PIP5K1B: variants seen among roughly 807,000 people sequenced by gnomAD.
PIP5K1B encodes phosphatidylinositol-4-phosphate 5-kinase type 1 beta.
PIP5K1B carries 42 observed loss-of-function variants against 67.0 expected under a neutral mutation model. The ratio of observed to expected loss-of-function variants is 0.63; its 90% CI spans 0.49 to 0.81. The LOEUF (loss-of-function observed/expected upper bound fraction) is 0.81, where lower values mean the gene tolerates loss of function less well. PIP5K1B is among the 30% of genes least tolerant of loss of function. PIP5K1B has a pLI of 0.00. For synonymous variants in PIP5K1B, 214 were observed against 231.4 expected (o/e 0.92, Z 0.68); for missense variants, 459 against 646.3 (o/e 0.71, Z 3.14).
intron 14 of PIP5K1B, among the ~76,000 whole-genome samples, chr9:68,953,687 C>T (rs781264431): frequency 6.6e-6 from 1 of 151,836 alleles, no homozygotes; most frequent in Non-Finnish European, 1.5e-5. Flanking sequence ...TGCAGTGACA[C>T]ACCTGTAGTC....
chr9:68,848,402 T>A (rs1822307050), intron 4 of PIP5K1B, among the ~76,000 whole-genome samples: 1 of 152,226 alleles, frequency 6.6e-6, no homozygotes, highest in African/African-American at 2.4e-5. Context: ...TTTCTCCATA[T>A]CTTTCTGCCT....
At chr9:68,740,796 G>A (rs746648652) in intron 1 of PIP5K1B, among the ~76,000 whole-genome samples, 2 of 152,212 alleles carry the variant, frequency 1.3e-5, no homozygotes, top group Non-Finnish European at 2.9e-5. Flanking sequence ...TCTAGGCAAC[G>A]TGATATAATG....
At chr9:68,914,512 G>C (rs377327964) in intron 8 of PIP5K1B, among the ~76,000 whole-genome samples, 10 of 152,232 alleles carry the variant, frequency 6.6e-5, no homozygotes, top group African/African-American at 2.4e-4. Context: ...TCGGGAGATT[G>C]AGACCTTCCT....
Position 68,875,295 on chromosome 9 carries a change from C to CAAAAAAAAAA in PIP5K1B, c.201-1360_201-1351dup, listed in dbSNP as rs147022066. ...GCCAGCTCCATCCTCTGGTACTCAG[C>CAAAAAAAAAA]AAAAAAAAAAAAAAAAAAAAAAAAA... On this transcript the variant is annotated intron_variant, in intron 5 of 15. Transcript: ENST00000265382. 2.7e-4 allele frequency among the ~76,000 whole-genome samples: 12 copies of CAAAAAAAAAA among 44,872 alleles called. 1 individual carries two copies. Among genetic ancestry groups the CAAAAAAAAAA allele is most frequent in the African/African-American group, 5.9e-4 (6 of 10,182 alleles). 29.4% of individuals were successfully genotyped at this position (44,872 alleles called of 152,430 possible).
chr9:68,891,758 T>C (rs545575624), intron 7 of PIP5K1B, among the ~76,000 whole-genome samples: 1 of 152,196 alleles, frequency 6.6e-6, no homozygotes, highest in Non-Finnish European at 1.5e-5. Context: ...AGAAGTGATA[T>C]GACTCCAGCA....
intron 14 of PIP5K1B, among the ~76,000 whole-genome samples, chr9:68,988,511 G>A (rs995469640): frequency 3.0e-4 from 43 of 141,408 alleles, no homozygotes; most frequent in Non-Finnish European, 5.3e-4. Context: ...GTGCAGTGGT[G>A]CAATCTTGAC....
At chr9:68,738,017 A>C (rs568370120) in intron 1 of PIP5K1B, among the ~76,000 whole-genome samples, 1 of 152,342 alleles carries the variant, frequency 6.6e-6, no homozygotes, top group Non-Finnish European at 1.5e-5. Flanking sequence ...AGCTGATTCT[A>C]TTCATATGCC....
At chr9:68,832,781 T>C (rs1834388110) in intron 4 of PIP5K1B, among the ~76,000 whole-genome samples, 2 of 152,234 alleles carry the variant, frequency 1.3e-5, no homozygotes, top group African/African-American at 4.8e-5. Flanking sequence ...GCAGAGTTGA[T>C]GAGCTACTCT....
At chr9:68,740,848 G>A (rs1428528783) in intron 1 of PIP5K1B, among the ~76,000 whole-genome samples, 1 of 152,188 alleles carries the variant, frequency 6.6e-6, no homozygotes, top group Admixed American at 6.5e-5. Context: ...CTGAGCTCAA[G>A]CCATGGTGTA....
In PIP5K1B at chr9:68,728,450, C is replaced by T. The variant is rs944718206; in HGVS notation, c.-242-14051C>T. ...TCATTATTCCCCATAGGCCCCACCT[C>T]GTAATACCATCATATTGGGGGTATG... On this transcript the variant is annotated intron_variant, in intron 1 of 15. Transcript: ENST00000265382. Among the ~76,000 whole-genome samples, 9 of 151,942 alleles carry T rather than the reference C, an allele frequency of 5.9e-5. No homozygotes were observed. In the South Asian group the frequency reaches 1.5e-3, roughly 25 times the overall value.
chr9:68,752,190 A>T (rs1184366458), intron 2 of PIP5K1B, among the ~76,000 whole-genome samples: 1 of 152,224 alleles, frequency 6.6e-6, no homozygotes. Context: ...CTATTATGGT[A>T]TCTTGCCCAT....
intron 4 of PIP5K1B, among the ~76,000 whole-genome samples, chr9:68,854,855 G>A (rs145580291): frequency 1.2e-4 from 19 of 152,146 alleles, no homozygotes; most frequent in African/African-American, 3.9e-4. Flanking sequence ...ATTTTCCTCC[G>A]TGGATATGTA....
intron 5 of PIP5K1B, 41 bp from the exon 6 acceptor site, chr9:68,876,636 G>T (rs776202046): frequency 9.1e-7 from 1 of 1,096,652 alleles, no homozygotes; most frequent in South Asian, 1.2e-5. Flanking sequence ...CCTTGCTAAT[G>T]TGTTCTTTCT....
At chr9:68,992,839 CAAAAAAAAAAAAAAAAAA>C (rs201517701) in intron 15 of PIP5K1B, among the ~76,000 whole-genome samples, 13,319 of 58,484 alleles carry the variant, frequency 0.23, 1,158 homozygotes, top group East Asian at 0.53. Flanking sequence ...GACCCTGTCT[CAAAAAAAAAAAAAAAAAA>C]AAAAAAAAAA....
intron 8 of PIP5K1B, among the ~76,000 whole-genome samples, chr9:68,913,314 C>A (rs1825939660): frequency 6.6e-6 from 1 of 152,194 alleles, no homozygotes; most frequent in South Asian, 2.1e-4. Context: ...ACAGAATATA[C>A]TAGCAACAGT....
intron 2 of PIP5K1B, among the ~76,000 whole-genome samples, chr9:68,804,052 G>A (rs1832738391): frequency 6.6e-6 from 1 of 152,132 alleles, no homozygotes. Context: ...CCATGAGCGT[G>A]TGGAGGGGTG....
intron 1 of PIP5K1B, among the ~76,000 whole-genome samples, chr9:68,740,979 T>G (rs781380495): frequency 1.3e-5 from 2 of 152,222 alleles, no homozygotes; most frequent in Non-Finnish European, 2.9e-5. Flanking sequence ...TTCTAAGAAG[T>G]CTTTTAGCTT....
chr9:68,797,325 A>G (rs1195000036), intron 2 of PIP5K1B, among the ~76,000 whole-genome samples: 1 of 152,222 alleles, frequency 6.6e-6, no homozygotes, highest in East Asian at 1.9e-4. Context: ...ATAAGTGGAT[A>G]GGCATTCCCC....
At chr9:68,861,382 A>G (rs1247745171) in intron 4 of PIP5K1B, among the ~76,000 whole-genome samples, 1 of 152,236 alleles carries the variant, frequency 6.6e-6, no homozygotes, top group African/African-American at 2.4e-5. Flanking sequence ...TTTAGCAAGT[A>G]TACCCAGTGA....
Sources: allele counts gnomAD v4.1 joint callset (sites outside exome capture counted in the v4.1 genomes callset), GRCh38; gene constraint gnomAD v4.1.1; transcripts MANE v1.5; gene names NCBI Gene and HGNC (gene_info 2026-07-23, HGNC 2026-07-21).